Variants in GTF2E2 observed in about 807,000 individuals in gnomAD.
GTF2E2 encodes general transcription factor IIE subunit 2.
GTF2E2 carries 21 observed loss-of-function variants against 40.5 expected under a neutral mutation model. The observed-to-expected ratio is 0.52, with a 90% CI of 0.37 to 0.75. The LOEUF (loss-of-function observed/expected upper bound fraction) is 0.75, where lower values mean the gene tolerates loss of function less well. Ranked by LOEUF, GTF2E2 falls within the 30% of genes least tolerant of loss-of-function variation. GTF2E2 has a pLI of 0.00. For synonymous variants in GTF2E2, 117 were observed against 121.6 expected, an observed-to-expected ratio of 0.96 and a Z score of 0.25; for missense variants, 298 against 338.4, an observed-to-expected ratio of 0.88 and a Z score of 0.94.
chr8:30,654,821 T>A (rs1000999248), intron 1 of GTF2E2, among the ~76,000 whole-genome samples: 5 of 152,208 alleles, frequency 3.3e-5, no homozygotes, highest in Non-Finnish European at 7.3e-5. Flanking sequence ...GAAGGTGGAT[T>A]TAGGCTCACT....
At chr8:30,581,157 A>G (rs1217278638) in intron 6 of GTF2E2, among the ~76,000 whole-genome samples, 11 of 152,196 alleles carry the variant, frequency 7.2e-5, no homozygotes, top group Non-Finnish European at 1.6e-4. Flanking sequence ...TTCAGACACA[A>G]AATCCTAAGA....
intron 6 of GTF2E2, among the ~76,000 whole-genome samples, chr8:30,580,892 A>T (rs1352577508): frequency 6.6e-6 from 1 of 152,156 alleles, no homozygotes; most frequent in Non-Finnish European, 1.5e-5. Flanking sequence ...GTGACTAAGG[A>T]GGCATGAAAG....
intron 6 of GTF2E2, among the ~76,000 whole-genome samples, chr8:30,594,357 A>C (rs1828936326): frequency 6.6e-6 from 1 of 151,706 alleles, no homozygotes; most frequent in African/African-American, 2.4e-5. Flanking sequence ...TCCCCAGCTG[A>C]AGCAATTCTA....
intron 5 of GTF2E2, among the ~76,000 whole-genome samples, chr8:30,611,529 G>A (rs1388907953): frequency 6.6e-6 from 1 of 151,952 alleles, no homozygotes; most frequent in East Asian, 1.9e-4. Flanking sequence ...AGAAAGACTA[G>A]AACTGAAAAA....
At chr8:30,583,306 C>T (rs1828565352) in intron 6 of GTF2E2, among the ~76,000 whole-genome samples, 1 of 152,192 alleles carries the variant, frequency 6.6e-6, no homozygotes, top group South Asian at 2.1e-4. Flanking sequence ...TGTACTCCAG[C>T]CTGGGTAACA....
At position 30,583,988 on chromosome 8, in the gene GTF2E2, A is replaced by T. The variant is rs189539327; in HGVS notation, c.644-3592T>A. Among the ~76,000 whole-genome samples the T allele has an allele frequency of 2.2e-4, 33 of 148,038 alleles. No individual in the cohort carries two copies. The East Asian group carries it at 6.2e-3, about 28-fold the overall frequency. ...GCCCAGTTAACTTTTTGTATTTTTT[A>T]GTAGAGACAGGGTTTCACCGTGTTA... On this transcript the variant is annotated intron_variant, in intron 6 of 7. Coordinates refer to ENST00000355904, the MANE Select transcript of GTF2E2 (RefSeq NM_002095.6).
chr8:30,584,957 C>G (rs574550415), intron 6 of GTF2E2: 1 of 152,194 alleles, frequency 6.6e-6, no homozygotes, highest in African/African-American at 2.4e-5. Flanking sequence ...GAGGCCAAGG[C>G]AGGCGGATCA....
chr8:30,656,390 G>C (rs1802449781), intron 1 of GTF2E2, among the ~76,000 whole-genome samples: 2 of 152,170 alleles, frequency 1.3e-5, no homozygotes, highest in South Asian at 4.1e-4. Flanking sequence ...CCAAGAAGAA[G>C]AAAGGAGAAT....
At position 30,614,708 on chromosome 8, in the gene GTF2E2, T is replaced by C. The variant is rs892994715; in HGVS notation, c.266A>G (p.His89Arg). 8 of 1,587,676 alleles carry C rather than the reference T, an allele frequency of 5.0e-6. No individual in the cohort carries two copies. In the Admixed American group the frequency reaches 5.1e-5, roughly 10 times the overall value. The change falls in exon 4 of 8, where the codon CAT (histidine) becomes CGT (arginine). Residue 89 changes from histidine (H) to arginine (R), a missense_variant. By Grantham distance (29) the His-to-Arg change is conservative. Coordinates refer to ENST00000355904, the MANE Select transcript of GTF2E2 (RefSeq NM_002095.6). ...AKIVNYMKTR[H>R]QRGDTHPLTL... Reference sequence around the variant, plus strand: ...TAGAGGATGCGTATCTCCTCGCTGATGCCGTGTCTATCAAGTGAAGAAATT... The same window carrying C: ...TAGAGGATGCGTATCTCCTCGCTGACGCCGTGTCTATCAAGTGAAGAAATT...
At chr8:30,625,841 C>T (rs186472188) in intron 3 of GTF2E2, among the ~76,000 whole-genome samples, 3 of 152,238 alleles carry the variant, frequency 2.0e-5, no homozygotes, top group Admixed American at 1.3e-4. Flanking sequence ...TCAAGTCACC[C>T]GCCCGCCTCA....
intron 3 of GTF2E2, among the ~76,000 whole-genome samples, chr8:30,631,873 A>T (rs1245533547): frequency 1.3e-5 from 2 of 152,162 alleles, no homozygotes; most frequent in African/African-American, 4.8e-5. Context: ...AGGCAGGCGG[A>T]TCACTTGAGG....
At chr8:30,597,552 C>A (rs574144644) in intron 6 of GTF2E2, 1 of 152,362 alleles carries the variant, frequency 6.6e-6, no homozygotes, top group Non-Finnish European at 1.5e-5. Context: ...GGGATGTTCA[C>A]TTTGTCTGTC....
At chr8:30,637,051 T>C (rs1356608693) in intron 2 of GTF2E2, 4 of 402,668 alleles carry the variant, frequency 9.9e-6, no homozygotes, top group Admixed American at 9.8e-5. Context: ...ACTTAAGAAG[T>C]ATTACTGTCC....
intron 6 of GTF2E2, among the ~76,000 whole-genome samples, chr8:30,591,652 C>A (rs1467502837): frequency 6.6e-6 from 1 of 152,188 alleles, no homozygotes; most frequent in Non-Finnish European, 1.5e-5. Flanking sequence ...GTGGGGAAAG[C>A]AGAACCTTCC....
chr8:30,605,177 T>C (rs1829286674), intron 6 of GTF2E2, among the ~76,000 whole-genome samples: 3 of 152,248 alleles, frequency 2.0e-5, no homozygotes. Flanking sequence ...TGCTACACTA[T>C]GCTGCCATCT....
chr8:30,578,726 G>C lies in GTF2E2; in HGVS notation c.*195C>G. ...CAGGGAGTAACAGAAGGTTAACAGGGAACATCACATTGCCCATGAGCCCAT... is the reference window on the plus strand; with the variant it reads ...CAGGGAGTAACAGAAGGTTAACAGGCAACATCACATTGCCCATGAGCCCAT... On this transcript the variant is annotated 3_prime_UTR_variant, in exon 8 of 8. Coordinates refer to ENST00000355904, the MANE Select transcript of GTF2E2 (RefSeq NM_002095.6). 1 of 501,522 alleles carries C rather than the reference G, an allele frequency of 2.0e-6. No homozygotes were observed. The highest frequency in any genetic ancestry group is 3.6e-6 in the Non-Finnish European group (1 of 277,160). 31.1% of individuals were successfully genotyped at this position (501,522 alleles called of 1,614,324 possible).
intron 6 of GTF2E2, among the ~76,000 whole-genome samples, chr8:30,602,979 C>T (rs1035142182): frequency 1.3e-5 from 2 of 152,136 alleles, no homozygotes; most frequent in Non-Finnish European, 2.9e-5. Flanking sequence ...TGTATCTGAA[C>T]TTCACCACCC....
At chr8:30,640,720 G>A (rs946910040) in intron 2 of GTF2E2, among the ~76,000 whole-genome samples, 8 of 151,940 alleles carry the variant, frequency 5.3e-5, no homozygotes, top group South Asian at 2.1e-4. Flanking sequence ...ATTTTTTGGC[G>A]GGGGGACGGA....
chr8:30,586,903 T>C (rs1245018465), intron 6 of GTF2E2, among the ~76,000 whole-genome samples: 4 of 151,982 alleles, frequency 2.6e-5, no homozygotes, highest in Admixed American at 6.6e-5. Flanking sequence ...CCTGTGAAAA[T>C]ACTACAAGAA....
Sources: gnomAD v4.1 joint callset for allele counts (sites outside exome capture counted in the v4.1 genomes callset) on GRCh38, gnomAD v4.1.1 for gene constraint, MANE v1.5 for transcripts, NCBI Gene and HGNC (gene_info 2026-07-23, HGNC 2026-07-21) for gene names.